Variants in PTK6 observed in about 807,000 individuals in gnomAD.
PTK6 encodes the protein protein-tyrosine kinase 6.
In PTK6, 47 loss-of-function variants were observed where a neutral mutation model predicts 47.5. The ratio of observed to expected loss-of-function variants is 0.99; its 90% CI spans 0.78 to 1.26. PTK6 has a LOEUF of 1.26. PTK6 is among the 50% of genes most tolerant of loss of function. The pLI is 0.00. For missense variants in PTK6, 618 were observed against 625.3 expected (o/e 0.99, Z 0.12); for synonymous variants, 287 against 276.5 (o/e 1.04, Z -0.38).
rs1569010551 is a variant in PTK6, at chr20:63,531,440, ATAT to A, written c.833-516_833-514del. Among the ~76,000 whole-genome samples the A allele has an allele frequency of 7.8e-3, 528 of 67,506 alleles. 8 individuals are homozygous for A. Among genetic ancestry groups the A allele is most frequent in the African/African-American group, 0.04 (354 of 8,808 alleles). 44.3% of individuals were successfully genotyped at this position (67,506 alleles called of 152,430 possible). A position where few individuals can be genotyped will look rare whatever the true frequency, so the allele number is the denominator to read the frequency against. On this transcript the variant is annotated intron_variant, in intron 5 of 7. Coordinates refer to ENST00000542869, the MANE Select transcript of PTK6 (RefSeq NM_005975.4). ...CGTCTCAAAAAAAAAAAAAAAAAAT[ATAT>A]ATATATATATATATATATATAATTA...
intron 5 of PTK6, among the ~76,000 whole-genome samples, chr20:63,532,287 GATGT>G (rs1354761061): frequency 6.8e-6 from 1 of 147,604 alleles, no homozygotes; most frequent in Non-Finnish European, 1.5e-5. Context: ...TGTGTCATGT[GATGT>G]GTCTTGTGTG....
At position 63,530,535 on chromosome 20, in the gene PTK6, G is replaced by A. The variant is rs1412321307; in HGVS notation, c.1014+211C>T. 1.3e-5 allele frequency among the ~76,000 whole-genome samples: 2 copies of A among 152,184 alleles called. No individual in the cohort carries two copies. Among genetic ancestry groups the A allele is most frequent in the East Asian group, 1.9e-4 (1 of 5,184 alleles). On this transcript the variant is annotated intron_variant, in intron 6 of 7. Coordinates refer to ENST00000542869, the MANE Select transcript of PTK6 (RefSeq NM_005975.4). This position sits in a 1 kb window ranked among gnomAD's most constrained non-coding sequence, Gnocchi z 4.1. Reference sequence around the variant, plus strand: ...GAACAAGGCACGTGAACAAGGCAGCGGCTGCGTGGTGGGCCCTGCTGTGCG... The same window carrying A: ...GAACAAGGCACGTGAACAAGGCAGCAGCTGCGTGGTGGGCCCTGCTGTGCG...
intron 1 of PTK6, among the ~76,000 whole-genome samples, chr20:63,536,876 G>A (rs978029747): frequency 6.6e-5 from 10 of 152,238 alleles, no homozygotes; most frequent in South Asian, 2.1e-4. Context: ...TCCAACTCCC[G>A]CAGGGACAGT....
At position 63,533,454 on chromosome 20, in the gene PTK6, G is replaced by A. The variant is rs978781858; in HGVS notation, c.670+97C>T. 12 of 1,409,220 alleles carry A rather than the reference G, an allele frequency of 8.5e-6. No individual in the cohort carries two copies. In the African/African-American group the frequency reaches 1.3e-4, roughly 15 times the overall value. 87.3% of individuals were successfully genotyped at this position (1,409,220 alleles called of 1,614,324 possible). On this transcript the variant is annotated intron_variant, in intron 4 of 7. Coordinates refer to ENST00000542869, the MANE Select transcript of PTK6 (RefSeq NM_005975.4). This position sits in a 1 kb window ranked among gnomAD's most constrained non-coding sequence, Gnocchi z 4.0. ...CTCTCGCATGGACGCTGTGGGTGCT[G>A]CTTGGGGCTCGAGGCCAGAGGTCCC...
chr20:63,536,833 C>G (rs993948508), intron 1 of PTK6, among the ~76,000 whole-genome samples: 3 of 152,210 alleles, frequency 2.0e-5, no homozygotes, highest in African/African-American at 7.2e-5. Context: ...AGGATGAGCC[C>G]AAGGCAGGGG....
chr20:63,532,791 G>T, intron 4 of PTK6, 104 bp from the exon 5 acceptor site: 2 of 1,441,568 alleles, frequency 1.4e-6, no homozygotes, highest in South Asian at 2.6e-5. Flanking sequence ...ACACCCAGCA[G>T]CTGTGCAGGA....
At chr20:63,532,764 C>G (rs987008605) in intron 4 of PTK6, 77 bp from the exon 5 acceptor site, 54 of 1,533,618 alleles carry the variant, frequency 3.5e-5, no homozygotes, top group Non-Finnish European at 4.6e-5. Context: ...GCCCTGCCCC[C>G]ACACACAGCA....
At position 63,532,595 on chromosome 20, in the gene PTK6, A is replaced by T. The variant is rs753147867; in HGVS notation, c.763T>A (p.Ser255Thr). 1.2e-6 allele frequency: 2 copies of T among 1,614,040 alleles called. No individual in the cohort carries two copies. The highest frequency in any genetic ancestry group is 2.7e-5 in the African/African-American group (2 of 75,058). Residue 255 changes from serine (S) to threonine (T), a missense_variant, in exon 5 of 8, where the codon TCC becomes ACC. By Grantham distance (58) the Ser-to-Thr change is moderately conservative (BLOSUM62 1). Coordinates refer to ENST00000542869, the MANE Select transcript of PTK6 (RefSeq NM_005975.4). ...KHILALYAVV[S>T]VGDPVYIITE... Reference sequence around the variant, plus strand: ...ATGATGTACACGGGGTCCCCCACGGACACCACGGCGTACAGCGCCAGGATG... The same window carrying T: ...ATGATGTACACGGGGTCCCCCACGGTCACCACGGCGTACAGCGCCAGGATG...
At position 63,533,483 on chromosome 20, in the gene PTK6, TGGC is replaced by T. The variant is rs2082641175; in HGVS notation, c.670+65_670+67del. 3 of 1,494,876 alleles carry T rather than the reference TGGC, an allele frequency of 2.0e-6. No individual in the cohort carries two copies. Among genetic ancestry groups the T allele is most frequent in the Admixed American group, 2.3e-5 (1 of 44,188 alleles). The allele number at this position is 1,494,876 out of a possible 1,614,324, so 92.6% of individuals were successfully genotyped here. A position where few individuals can be genotyped will look rare whatever the true frequency, so the allele number is the denominator to read the frequency against. On this transcript the variant is annotated intron_variant, in intron 4 of 7. Transcript: ENST00000542869. This position sits in a 1 kb window ranked among gnomAD's most constrained non-coding sequence, Gnocchi z 4.0. ...GGGGCTCGAGGCCAGAGGTCCCTGT[TGGC>T]GGGGTGGGAGGGTGGCCCAGGGCAG... is the stretch of plus-strand genomic sequence containing the variant.
In PTK6 at chr20:63,533,727, A is replaced by G; in HGVS notation, c.517-23T>C. 1 of 1,603,222 alleles carries G rather than the reference A, an allele frequency of 6.2e-7. No individual in the cohort carries two copies. The highest frequency in any genetic ancestry group is 8.5e-7 in the Non-Finnish European group (1 of 1,175,108). On this transcript the variant is annotated intron_variant, in intron 3 of 7. Coordinates refer to ENST00000542869, the MANE Select transcript of PTK6 (RefSeq NM_005975.4). The surrounding 1 kb of genome is among the most constrained non-coding windows in gnomAD (Gnocchi z 4.0). ...GTGCTGGAGGAAGAGTCGGGGACAC[A>G]GGGCAGGGGCTCATCCTTCAGGAAG...
chr20:63,534,750 A>G, intron 2 of PTK6, 188 bp downstream of exon 2: 3 of 904,366 alleles, frequency 3.3e-6, no homozygotes, highest in Non-Finnish European at 4.7e-6. Context: ...CCCCACGACT[A>G]CCCTAGCAGC....
chr20:63,530,451 C>A lies in PTK6; in HGVS notation c.1015-220G>T, dbSNP rs552981723. On this transcript the variant is annotated intron_variant, in intron 6 of 7. Transcript: ENST00000542869. The surrounding 1 kb of genome is among the most constrained non-coding windows in gnomAD (Gnocchi z 4.1). ...GCAGGTGTGTGGGGACCGGAGGGCC[C>A]GGGGGACAGGGAACTGGGAGGCTCC... Among the ~76,000 whole-genome samples, 2 of 152,212 alleles carry A rather than the reference C, an allele frequency of 1.3e-5. No individual in the cohort carries two copies. Among genetic ancestry groups the A allele is most frequent in the African/African-American group, 4.8e-5 (2 of 41,462 alleles).
chr20:63,530,919 C>T lies in PTK6; in HGVS notation c.841G>A (p.Glu281Lys), dbSNP rs781608510. The T allele has an allele frequency of 9.3e-6, 15 of 1,609,392 alleles. No homozygotes were observed. The African/African-American group carries it at 1.1e-4, about 11-fold the overall frequency. ...AGCTCCGAAACGGGCAGGACTTTCT[C>T]ATCAGAGTCTGCAGAGGGGAGTGGA... is the stretch of plus-strand genomic sequence containing the variant. ...SLLELLRDSDEKVLPVSELLD... is the reference protein window; with the variant it reads ...SLLELLRDSDKKVLPVSELLD... Residue 281 changes from glutamate (E) to lysine (K), a missense_variant, in exon 6 of 8, where the codon GAG becomes AAG. Glu to Lys is a moderately conservative substitution (Grantham distance 56). Coordinates refer to ENST00000542869, the MANE Select transcript of PTK6 (RefSeq NM_005975.4). The surrounding 1 kb of genome is among the most constrained non-coding windows in gnomAD (Gnocchi z 4.1).
At position 63,533,358 on chromosome 20, in the gene PTK6, G is replaced by T. The variant is rs1337418610; in HGVS notation, c.670+193C>A. Among the ~76,000 whole-genome samples the T allele has an allele frequency of 6.6e-6, 1 of 152,184 alleles. No individual in the cohort carries two copies. The highest frequency in any genetic ancestry group is 1.5e-5 in the Non-Finnish European group (1 of 68,042). On this transcript the variant is annotated intron_variant, in intron 4 of 7. Coordinates refer to ENST00000542869, the MANE Select transcript of PTK6 (RefSeq NM_005975.4). The surrounding 1 kb of genome is among the most constrained non-coding windows in gnomAD (Gnocchi z 4.0). ...GGGGATTACAGATGTGAGCCACCGTGCCCGGCCTAAAATTTTCTTTTATAA... is the reference window on the plus strand; with the variant it reads ...GGGGATTACAGATGTGAGCCACCGTTCCCGGCCTAAAATTTTCTTTTATAA...
In PTK6 at chr20:63,530,059, G is replaced by A. The variant is rs2082605731; in HGVS notation, c.1168+19C>T. ...CCACTCTGCCTCTCATGCCCAGTCAGGGACAGTGGGGACAGTACCTGGGTA... is the reference window on the plus strand; with the variant it reads ...CCACTCTGCCTCTCATGCCCAGTCAAGGACAGTGGGGACAGTACCTGGGTA... On this transcript the variant is annotated intron_variant, in intron 7 of 7. Coordinates refer to ENST00000542869, the MANE Select transcript of PTK6 (RefSeq NM_005975.4). This position sits in a 1 kb window ranked among gnomAD's most constrained non-coding sequence, Gnocchi z 4.1. 6.2e-7 allele frequency: 1 copy of A among 1,612,750 alleles called. No homozygotes were observed. The highest frequency in any genetic ancestry group is 1.3e-5 in the African/African-American group (1 of 74,910).
chr20:63,532,433 G>T, intron 5 of PTK6, 93 bp downstream of exon 5: 1 of 1,408,970 alleles, frequency 7.1e-7, no homozygotes, highest in Non-Finnish European at 9.6e-7. Flanking sequence ...GTGTCTACGT[G>T]TGTGTGTGTG....
In PTK6 at chr20:63,528,111, A is replaced by G. The variant is rs535915533; in HGVS notation, c.*1425T>C. The G allele has an allele frequency of 6.6e-6, 1 of 152,238 alleles. No individual in the cohort carries two copies. Among genetic ancestry groups the G allele is most frequent in the Non-Finnish European group, 1.5e-5 (1 of 68,044 alleles). 9.4% of individuals were successfully genotyped at this position (152,238 alleles called of 1,614,324 possible). A position where few individuals can be genotyped will look rare whatever the true frequency, so the allele number is the denominator to read the frequency against. On this transcript the variant is annotated 3_prime_UTR_variant, in exon 8 of 8. Coordinates refer to ENST00000542869, the MANE Select transcript of PTK6 (RefSeq NM_005975.4). ...AATAACCAAAATTATGACTGATAAC[A>G]TTGCACCAGATTTCTAGGAATAGCA... is the stretch of plus-strand genomic sequence containing the variant.
Position 63,529,643 on chromosome 20 carries a change from G to A in PTK6, c.1249C>T (p.His417Tyr). The stretch of plus-strand genomic sequence containing the variant: ...CACCAGCATGTCAGCATCAGCTTGT[G>A]CACGCTGGGCGGGCACTCCAGAGGG... ...PCPLECPPSV[H>Y]KLMLTCWCRD... The change falls in exon 8 of 8, where the codon CAC (histidine) becomes TAC (tyrosine). Residue 417 changes from histidine to tyrosine, a missense_variant. His to Tyr is a moderately conservative substitution (Grantham distance 83). Coordinates refer to ENST00000542869, the MANE Select transcript of PTK6 (RefSeq NM_005975.4). The surrounding 1 kb of genome is among the most constrained non-coding windows in gnomAD (Gnocchi z 5.6). The A allele has an allele frequency of 1.3e-6, 2 of 1,548,370 alleles. No homozygotes were observed. The highest frequency in any genetic ancestry group is 1.7e-6 in the Non-Finnish European group (2 of 1,146,582).
chr20:63,529,400 C>T lies in PTK6; in HGVS notation c.*136G>A. The T allele has an allele frequency of 1.0e-6, 1 of 995,978 alleles. No individual in the cohort carries two copies. The highest frequency in any genetic ancestry group is 1.4e-6 in the Non-Finnish European group (1 of 709,036). 61.7% of individuals were successfully genotyped at this position (995,978 alleles called of 1,614,324 possible). A position where few individuals can be genotyped will look rare whatever the true frequency, so the allele number is the denominator to read the frequency against. ...CACACGCGTGTATTGGACGCAGACA[C>T]TCCACATTTGTGAACCTTTCCTGCA... On this transcript the variant is annotated 3_prime_UTR_variant, in exon 8 of 8. Transcript: ENST00000542869. The surrounding 1 kb of genome is among the most constrained non-coding windows in gnomAD (Gnocchi z 5.6).
Sources: gnomAD v4.1 joint callset for allele counts (sites outside exome capture counted in the v4.1 genomes callset) on GRCh38, gnomAD v4.1.1 for gene constraint, Gnocchi (gnomAD v3.1) non-coding constraint, MANE v1.5 for transcripts, NCBI Gene and HGNC (gene_info 2026-07-23, HGNC 2026-07-21) for gene names.